MMP28: variants seen among roughly 807,000 people sequenced by gnomAD.
MMP28 encodes matrix metalloproteinase-28.
A neutral mutation model predicts 60.5 loss-of-function variants in MMP28; 55 were observed. The ratio of observed to expected loss-of-function variants is 0.91; its 90% confidence interval spans 0.73 to 1.14. The LOEUF (loss-of-function observed/expected upper bound fraction) is 1.14, where lower values mean the gene tolerates loss of function less well. MMP28 is among the 50% of genes most tolerant of loss of function. MMP28 has a pLI of 0.00. For synonymous variants in MMP28, 318 were observed against 312.5 expected (o/e 1.02, Z -0.18); for missense variants, 686 against 738.3 (o/e 0.93, Z 0.82).
intron 3 of MMP28, among the ~76,000 whole-genome samples, chr17:35,776,998 A>G (rs1432746611): frequency 6.6e-6 from 1 of 152,258 alleles, no homozygotes; most frequent in East Asian, 1.9e-4. Context: ...GCCAGAAGGA[A>G]GCAGCCCCGG....
At chr17:35,771,161 G>A (rs996218720) in intron 4 of MMP28, among the ~76,000 whole-genome samples, 44 of 152,122 alleles carry the variant, frequency 2.9e-4, no homozygotes, top group African/African-American at 9.4e-4. Context: ...GGCTGGGTGC[G>A]GTGGCTCACG....
In MMP28 at chr17:35,770,147, AGCGCGCGCGGCGCGGG is replaced by A; in HGVS notation, c.754_769del (p.Pro252SerfsTer31). 1 of 1,607,398 alleles carries A rather than the reference AGCGCGCGCGGCGCGGG, an allele frequency of 6.2e-7. No homozygotes were observed. The highest frequency in any genetic ancestry group is 8.5e-7 in the Non-Finnish European group (1 of 1,177,822). ...CAGCCTCTTGTAGTAGGGCGCCATG[AGCGCGCGCGGCGCGGG>A]CGAGTGGGTGAGGCCAAGCGTGTGA... On this transcript the variant is annotated frameshift_variant, in exon 5 of 8. Transcript: ENST00000605424. LOFTEE classifies it high-confidence loss of function.
downstream of MMP28, chr17:35,764,082 AG>A: frequency 6.5e-7 from 1 of 1,550,250 alleles, no homozygotes; most frequent in South Asian, 1.2e-5. Flanking sequence ...GAAGGGAAGG[AG>A]GGGTCGGAGG....
chr17:35,768,878 T>C (rs1355968648), intron 5 of MMP28, among the ~76,000 whole-genome samples: 1 of 152,190 alleles, frequency 6.6e-6, no homozygotes, highest in Non-Finnish European at 1.5e-5. Flanking sequence ...AGGAATCTTC[T>C]TCTACCCAAC....
At chr17:35,773,664 G>A (rs944639332) in intron 3 of MMP28, among the ~76,000 whole-genome samples, 1 of 152,328 alleles carries the variant, frequency 6.6e-6, no homozygotes, top group African/African-American at 2.4e-5. Context: ...GTCCCAGTGT[G>A]TTGGAGGGGA....
chr17:35,771,189 T>C (rs1177209173), intron 4 of MMP28, among the ~76,000 whole-genome samples: 1 of 152,070 alleles, frequency 6.6e-6, no homozygotes, highest in Non-Finnish European at 1.5e-5. Context: ...TCCCAGCACT[T>C]TGGGAGGCCG....
At chr17:35,794,413 T>G (rs957985877) in intron 1 of MMP28, among the ~76,000 whole-genome samples, 22 of 151,736 alleles carry the variant, frequency 1.4e-4, no homozygotes, top group African/African-American at 5.1e-4. Flanking sequence ...GTCTGGCTAA[T>G]TTTTGTATTT....
At chr17:35,757,584 G>A (rs1348739350) in intron 2 of MMP28, 1 of 152,200 alleles carries the variant, frequency 6.6e-6, no homozygotes, top group Non-Finnish European at 1.5e-5. Context: ...TTAATAAATT[G>A]TATAAAGTTT....
chr17:35,761,836 C>T (rs73286918), downstream of MMP28, among the ~76,000 whole-genome samples: 2,896 of 152,300 alleles, frequency 0.019, 89 homozygotes, highest in African/African-American at 0.066. Flanking sequence ...TTTTCCTCCT[C>T]CCCTTCCTCT....
chr17:35,762,791 C>T (rs1722245348), downstream of MMP28, among the ~76,000 whole-genome samples: 1 of 152,066 alleles, frequency 6.6e-6, no homozygotes, highest in Non-Finnish European at 1.5e-5. Context: ...AAGGAAATCC[C>T]GTTCAGAAAA....
intron 3 of MMP28, among the ~76,000 whole-genome samples, chr17:35,774,502 T>A (rs1312491826): frequency 2.0e-5 from 3 of 152,184 alleles, no homozygotes; most frequent in Admixed American, 6.5e-5. Flanking sequence ...GGCAGGCACA[T>A]TTGCCAGGAC....
intron 3 of MMP28, among the ~76,000 whole-genome samples, chr17:35,776,146 T>C (rs2086321889): frequency 6.6e-6 from 1 of 151,414 alleles, no homozygotes; most frequent in African/African-American, 2.4e-5. Context: ...AGTGCTGGGA[T>C]TACAGGTGTG....
chr17:35,788,652 A>G (rs964062502), intron 1 of MMP28, among the ~76,000 whole-genome samples: 1 of 152,148 alleles, frequency 6.6e-6, no homozygotes, highest in Non-Finnish European at 1.5e-5. Flanking sequence ...CAGACACTGC[A>G]TCTGGGGGTG....
At chr17:35,763,206 G>A (rs1026298065), downstream of MMP28, among the ~76,000 whole-genome samples, 2 of 151,988 alleles carry the variant, frequency 1.3e-5, no homozygotes, top group East Asian at 3.9e-4. Flanking sequence ...GACCTAGGCA[G>A]GAGGGCTGCT....
intron 2 of MMP28, among the ~76,000 whole-genome samples, chr17:35,759,034 A>G (rs1297859090): frequency 1.3e-5 from 2 of 152,246 alleles, no homozygotes; most frequent in African/African-American, 4.8e-5. Context: ...GCCAGTGTCC[A>G]TGGGTGACCC....
At chr17:35,765,250 G>C (rs190829236), downstream of MMP28, among the ~76,000 whole-genome samples, 1 of 152,168 alleles carries the variant, frequency 6.6e-6, no homozygotes, top group Non-Finnish European at 1.5e-5. Flanking sequence ...GAAAATGAAC[G>C]GGCAGGGCCA....
chr17:35,773,522 G>A (rs2086235163), intron 3 of MMP28, 118 bp from the exon 4 acceptor site: 2 of 916,216 alleles, frequency 2.2e-6, no homozygotes, highest in South Asian at 3.4e-5. Context: ...GTCTGACGGG[G>A]AAGACACAGT....
chr17:35,772,455 G>C (rs1311140926), intron 4 of MMP28, among the ~76,000 whole-genome samples: 3 of 152,216 alleles, frequency 2.0e-5, no homozygotes, highest in African/African-American at 7.2e-5. Context: ...GCCTGGATGT[G>C]GGCTTTGCTG....
At chr17:35,788,307 A>G (rs114703400) in intron 1 of MMP28, among the ~76,000 whole-genome samples, 5,118 of 152,192 alleles carry the variant, frequency 0.034, 308 homozygotes, top group African/African-American at 0.12. Context: ...CCAAATAACT[A>G]TACCGTATGG....
Sources: allele counts gnomAD v4.1 joint callset (sites outside exome capture counted in the v4.1 genomes callset), GRCh38; gene constraint gnomAD v4.1.1; transcripts MANE v1.5; gene names NCBI Gene and HGNC (gene_info 2026-07-23, HGNC 2026-07-21).